The following TMCC2 variants were observed in gnomAD, a reference collection of about 807,000 sequenced individuals.
TMCC2 encodes the protein transmembrane and coiled-coil domain family 2, also known as transmembrane and coiled-coil domains protein 2.
Under a neutral mutation model 49.4 loss-of-function variants are expected in TMCC2, and 16 were observed. That is an observed-to-expected ratio of 0.32 (90% CI 0.22 to 0.49). TMCC2 has a LOEUF of 0.49. Ranked by LOEUF, TMCC2 falls within the 20% of genes least tolerant of loss-of-function variation. The probability of loss-of-function intolerance (pLI) is 0.99; values close to 1 mark genes in which losing one functional copy is unlikely to be tolerated. For synonymous variants in TMCC2, 397 were observed against 434.1 expected, an observed-to-expected ratio of 0.91 and a Z score of 1.06; for missense variants, 762 against 989.8, an observed-to-expected ratio of 0.77 and a Z score of 3.09.
At chr1:205,244,697 C>G (rs1660392033) in intron 2 of TMCC2, among the ~76,000 whole-genome samples, 1 of 152,012 alleles carries the variant, frequency 6.6e-6, no homozygotes, top group African/African-American at 2.4e-5. Flanking sequence ...TTGGGGGTTG[C>G]TGGGAGGGCA....
chr1:205,243,722 G>A (rs924522032), intron 2 of TMCC2, among the ~76,000 whole-genome samples: 1 of 152,228 alleles, frequency 6.6e-6, no homozygotes, highest in Non-Finnish European at 1.5e-5. Context: ...TGAGTTGCAA[G>A]TGCCTTTGGG....
At chr1:205,263,980 C>T (rs939296137) in intron 2 of TMCC2, among the ~76,000 whole-genome samples, 1 of 152,218 alleles carries the variant, frequency 6.6e-6, no homozygotes, top group Non-Finnish European at 1.5e-5. Flanking sequence ...GGGCAAGTTA[C>T]ATCTGTAGGC....
rs991964257 is a variant in TMCC2 at position 205,228,377 on chromosome 1, C to T, written c.-188C>T. 9.1e-6 allele frequency: 5 copies of T among 550,152 alleles called. No homozygotes were observed. In the Admixed American group the frequency reaches 9.1e-5, roughly 10 times the overall value. The allele number at this position is 550,152 out of a possible 1,614,324, so 34.1% of individuals were successfully genotyped here. A position where few individuals can be genotyped will look rare whatever the true frequency, so the allele number is the denominator to read the frequency against. On this transcript the variant is annotated 5_prime_UTR_variant, in exon 1 of 5. Transcript: ENST00000358024. ...ACTATTCCAAGCTATAACCAAGGCT[C>T]CCCCTTCTCGCCCCTCCCTCACCCG... is the stretch of plus-strand genomic sequence containing the variant.
chr1:205,243,961 A>C (rs1660365372), intron 2 of TMCC2, among the ~76,000 whole-genome samples: 1 of 152,256 alleles, frequency 6.6e-6, no homozygotes, highest in Non-Finnish European at 1.5e-5. Flanking sequence ...GGATAGAAGT[A>C]AACTTGCAGC....
chr1:205,271,483 A>G (rs1355725286), intron 4 of TMCC2: 6 of 707,196 alleles, frequency 8.5e-6, no homozygotes, highest in Non-Finnish European at 1.4e-5. Flanking sequence ...CACAGGGCAG[A>G]GGCCACCATG....
rs1661254725 is a variant in TMCC2, at chr1:205,264,779, A to C, written c.748-4171A>C. Among the ~76,000 whole-genome samples the C allele has an allele frequency of 1.3e-5, 2 of 152,226 alleles. No homozygotes were observed. The highest frequency in any genetic ancestry group is 2.4e-5 in the African/African-American group (1 of 41,448). On this transcript the variant is annotated intron_variant, in intron 2 of 4. Transcript: ENST00000358024. This position sits in a 1 kb window ranked among gnomAD's most constrained non-coding sequence, Gnocchi z 4.2. ...AGTGCTGGGATTACAGGTGTGAGCC[A>C]CTGCGCCTGGCCCCTGTATTTTAAA... is the stretch of plus-strand genomic sequence containing the variant.
intron 2 of TMCC2, among the ~76,000 whole-genome samples, chr1:205,255,478 C>G (rs1191803134): frequency 6.6e-6 from 1 of 152,038 alleles, no homozygotes; most frequent in Non-Finnish European, 1.5e-5. Flanking sequence ...TCGGTTGAAC[C>G]CAGGAGGTGG....
At chr1:205,239,131 A>G (rs984054861) in intron 1 of TMCC2, among the ~76,000 whole-genome samples, 1 of 152,120 alleles carries the variant, frequency 6.6e-6, no homozygotes, top group African/African-American at 2.4e-5. Context: ...GCCTGAGTGG[A>G]TCCTCAGTGT....
chr1:205,266,795 A>G (rs1487965485), intron 2 of TMCC2, among the ~76,000 whole-genome samples: 2 of 152,210 alleles, frequency 1.3e-5, no homozygotes, highest in African/African-American at 2.4e-5. Flanking sequence ...GCTTCGCACT[A>G]TGCCAGCTTG....
chr1:205,270,099 T>C (rs1299183086), intron 3 of TMCC2, among the ~76,000 whole-genome samples: 2 of 152,020 alleles, frequency 1.3e-5, no homozygotes, highest in East Asian at 3.9e-4. Context: ...CAGGCTGGAG[T>C]GCAGTGGCAC....
chr1:205,265,218 C>G (rs570510482), intron 2 of TMCC2, among the ~76,000 whole-genome samples: 17 of 152,290 alleles, frequency 1.1e-4, no homozygotes, highest in Middle Eastern at 3.4e-3. Flanking sequence ...GGCCTCTGCA[C>G]CCACCATCAG....
At position 205,228,439 on chromosome 1, in the gene TMCC2, G is replaced by T. The variant is rs1574819289; in HGVS notation, c.-126G>T. Reference sequence around the variant, plus strand: ...TTTTTTTTTAATTCAAGAAATTGTGGTCTGCCATCTCCCCTCCTTGTTAAT... The same window carrying T: ...TTTTTTTTTAATTCAAGAAATTGTGTTCTGCCATCTCCCCTCCTTGTTAAT... On this transcript the variant is annotated 5_prime_UTR_variant, in exon 1 of 5. Transcript: ENST00000358024. 7 of 727,074 alleles carry T rather than the reference G, an allele frequency of 9.6e-6. No homozygotes were observed. The East Asian group carries it at 1.4e-4, about 14-fold the overall frequency. The allele number at this position is 727,074 out of a possible 1,614,324, so 45.0% of individuals were successfully genotyped here. A position where few individuals can be genotyped will look rare whatever the true frequency, so the allele number is the denominator to read the frequency against.
chr1:205,247,652 T>C (rs937740517), intron 2 of TMCC2, among the ~76,000 whole-genome samples: 2 of 152,212 alleles, frequency 1.3e-5, no homozygotes, highest in African/African-American at 4.8e-5. Flanking sequence ...TCTCTGGGCA[T>C]GAATAGGAGG....
chr1:205,266,762 C>T (rs1050013861), intron 2 of TMCC2, among the ~76,000 whole-genome samples: 11 of 152,202 alleles, frequency 7.2e-5, no homozygotes, highest in Non-Finnish European at 1.6e-4. Flanking sequence ...TCAGATTCAG[C>T]GTTTAATGAG....
At chr1:205,268,267 A>G (rs1425793218) in intron 2 of TMCC2, among the ~76,000 whole-genome samples, 1 of 152,218 alleles carries the variant, frequency 6.6e-6, no homozygotes, top group Non-Finnish European at 1.5e-5. Context: ...ATCCAACCCC[A>G]TGACTCCAGT....
intron 2 of TMCC2, among the ~76,000 whole-genome samples, chr1:205,268,685 C>T (rs1661447605): frequency 6.6e-6 from 1 of 152,146 alleles, no homozygotes; most frequent in African/African-American, 2.4e-5. Flanking sequence ...CCGTGTGTCC[C>T]TGAACAACTT....
At chr1:205,255,576 A>G (rs1660833414) in intron 2 of TMCC2, among the ~76,000 whole-genome samples, 1 of 152,156 alleles carries the variant, frequency 6.6e-6, no homozygotes, top group African/African-American at 2.4e-5. Context: ...AAGAAGGGGT[A>G]TCTTGAGTAT....
intron 2 of TMCC2, chr1:205,268,031 G>T: frequency 1.0e-6 from 1 of 985,422 alleles, no homozygotes; most frequent in Non-Finnish European, 1.2e-6. Flanking sequence ...AAGCGGAAAA[G>T]GTTACCAATG....
rs1661485791 is a variant in TMCC2 at position 205,269,391 on chromosome 1, G to A, written c.1189G>A (p.Gly397Ser). Reference sequence around the variant, plus strand: ...CGCCAACGTGCGCGCAGGCATCAGCGGCTTTGGGGGCGGCGTGGTGGAGGG... The same window carrying A: ...CGCCAACGTGCGCGCAGGCATCAGCAGCTTTGGGGGCGGCGTGGTGGAGGG... Reference protein sequence around the residue: ...VGANVRAGISGFGGGVVEGVK... With the variant: ...VGANVRAGISSFGGGVVEGVK... The change falls in exon 3 of 5, where the codon GGC becomes AGC. Residue 397 changes from glycine to serine, a missense_variant. This residue lies in a region of TMCC2 where 440 missense variants were observed against 636.7 expected (regional missense o/e 0.69). Transcript: ENST00000358024. 4 of 1,608,278 alleles carry A rather than the reference G, an allele frequency of 2.5e-6. No individual in the cohort carries two copies. The highest frequency in any genetic ancestry group is 3.4e-6 in the Non-Finnish European group (4 of 1,176,190).
Sources: allele counts gnomAD v4.1 joint callset (sites outside exome capture counted in the v4.1 genomes callset), GRCh38; gene constraint gnomAD v4.1.1; regional missense constraint gnomAD v4.1.1; non-coding constraint Gnocchi (gnomAD v3.1); transcripts MANE v1.5; gene names NCBI Gene and HGNC (gene_info 2026-07-23, HGNC 2026-07-21).